The following RBFOX1 variants were observed in gnomAD, a reference collection of about 807,000 sequenced individuals.
The protein encoded by RBFOX1 is RNA binding protein fox-1 homolog 1.
In RBFOX1, 8 loss-of-function variants were observed where a neutral mutation model predicts 57.7. The observed-to-expected ratio is 0.14, with a 90% confidence interval of 0.08 to 0.25. The LOEUF is 0.25. RBFOX1 is among the 10% of genes least tolerant of loss of function. The probability of loss-of-function intolerance (pLI) is 1.00; values close to 1 mark genes in which losing one functional copy is unlikely to be tolerated. For synonymous variants in RBFOX1, 326 were observed against 222.4 expected (o/e 1.47, Z -4.15); for missense variants, 611 against 548.5 (o/e 1.11, Z -1.14).
chr16:5,279,494 A>C (rs2151143839), intron 1 of RBFOX1, among the ~76,000 whole-genome samples: 1 of 145,490 alleles, frequency 6.9e-6, no homozygotes, highest in Admixed American at 6.9e-5. Context: ...GTTTTTAAAA[A>C]AATTTTTTTT....
chr16:5,280,295 A>G (rs1046410180), intron 1 of RBFOX1, among the ~76,000 whole-genome samples: 1 of 152,202 alleles, frequency 6.6e-6, no homozygotes, highest in African/African-American at 2.4e-5. Context: ...CCACTTGATC[A>G]TGGTATATTA....
intron 1 of RBFOX1, among the ~76,000 whole-genome samples, chr16:6,112,663 C>G (rs989740526): frequency 6.6e-6 from 1 of 151,408 alleles, no homozygotes; most frequent in African/African-American, 2.5e-5. Flanking sequence ...TGCACTCCAG[C>G]CTGGGCAACA....
At chr16:5,254,191 G>T (rs1164786504) in intron 1 of RBFOX1, among the ~76,000 whole-genome samples, 3 of 152,218 alleles carry the variant, frequency 2.0e-5, no homozygotes, top group African/African-American at 7.2e-5. Flanking sequence ...GGAACATTAT[G>T]TAACTTGCTC....
At chr16:7,511,083 G>T (rs1176625414) in intron 4 of RBFOX1, among the ~76,000 whole-genome samples, 2 of 152,192 alleles carry the variant, frequency 1.3e-5, no homozygotes, top group African/African-American at 2.4e-5. Context: ...ACAGGAAAAT[G>T]CTTGCCTATT....
intron 3 of RBFOX1, among the ~76,000 whole-genome samples, chr16:5,705,466 T>C (rs1453562312): frequency 6.6e-6 from 1 of 152,174 alleles, no homozygotes; most frequent in African/African-American, 2.4e-5. Flanking sequence ...TCTCACTATA[T>C]TGCCCAGGCT....
At chr16:5,753,471 G>C (rs754368605) in intron 3 of RBFOX1, among the ~76,000 whole-genome samples, 1 of 152,280 alleles carries the variant, frequency 6.6e-6, no homozygotes, top group South Asian at 2.1e-4. Flanking sequence ...CCATATGGTA[G>C]ACAGAGGAAT....
intron 3 of RBFOX1, among the ~76,000 whole-genome samples, chr16:6,687,907 C>G (rs1250726399): frequency 6.6e-6 from 1 of 152,166 alleles, no homozygotes; most frequent in Non-Finnish European, 1.5e-5. Context: ...TGTTATTTCT[C>G]TCCACCGTAT....
At chr16:5,441,601 G>A (rs923733618) in intron 1 of RBFOX1, among the ~76,000 whole-genome samples, 1 of 152,148 alleles carries the variant, frequency 6.6e-6, no homozygotes, top group Non-Finnish European at 1.5e-5. Flanking sequence ...CTGGCCTTAA[G>A]TGATTCACCC....
At position 5,582,572 on chromosome 16, in the gene RBFOX1, T is replaced by TTTTTG. The variant is rs369563835; in HGVS notation, c.259-16330_259-16329insTTTTG. On this transcript the variant is annotated intron_variant, in intron 2 of 2. Coordinates refer to the RBFOX1 transcript ENST00000585867. ...CTTTTTTTTTTTTTTTTTTTTTTTT[T>TTTTTG]AAACGGAGTCTTTGTTGCCCAGGCT... Among the ~76,000 whole-genome samples, 8 of 106,058 alleles carry TTTTTG rather than the reference T, an allele frequency of 7.5e-5. 1 individual carries two copies. Among genetic ancestry groups the TTTTTG allele is most frequent in the Non-Finnish European group, 9.4e-5 (5 of 53,066 alleles). The allele number at this position is 106,058 out of a possible 152,430, so 69.6% of individuals were successfully genotyped here.
At chr16:5,416,527 TA>T (rs887867475) in intron 1 of RBFOX1, among the ~76,000 whole-genome samples, 56 of 152,336 alleles carry the variant, frequency 3.7e-4, no homozygotes, top group African/African-American at 1.3e-3. Context: ...TCCTTCATTT[TA>T]AAAATGTAAT....
chr16:5,657,732 C>CTTTTTTTTTTTTTTTTTT lies in RBFOX1; in HGVS notation c.318+58775_318+58776insTTTTTTTTTTTTTTTTTT, dbSNP rs71386513. Among the ~76,000 whole-genome samples, 2 of 98,352 alleles carry CTTTTTTTTTTTTTTTTTT rather than the reference C, an allele frequency of 2.0e-5. 1 individual carries two copies. The highest frequency in any genetic ancestry group is 3.8e-5 in the Non-Finnish European group (2 of 53,164). The allele number at this position is 98,352 out of a possible 152,430, so 64.5% of individuals were successfully genotyped here. On this transcript the variant is annotated intron_variant, in intron 3 of 19. Coordinates refer to the RBFOX1 transcript ENST00000641259. ...TTTCTCTCTTTCTTTTGTTTCTTTT[C>CTTTTTTTTTTTTTTTTTT]TTTTCTTTTTTTTTTTTTGAGACAG... is the stretch of plus-strand genomic sequence containing the variant.
intron 1 of RBFOX1, among the ~76,000 whole-genome samples, chr16:5,295,958 G>C (rs1403434544): frequency 1.3e-5 from 2 of 152,158 alleles, no homozygotes; most frequent in African/African-American, 4.8e-5. Flanking sequence ...CAGAGAGTAA[G>C]GACTTCATAA....
chr16:5,686,915 A>C (rs1046290761), intron 3 of RBFOX1, among the ~76,000 whole-genome samples: 16 of 152,166 alleles, frequency 1.1e-4, no homozygotes, highest in African/African-American at 3.6e-4. Context: ...GCCTGGATTT[A>C]CTTCAGTTTA....
chr16:6,141,756 A>G (rs2096717802), intron 1 of RBFOX1, among the ~76,000 whole-genome samples: 1 of 152,048 alleles, frequency 6.6e-6, no homozygotes, highest in Non-Finnish European at 1.5e-5. Context: ...TTGTATGCTG[A>G]TCTATTTGGA....
chr16:6,485,368 C>A lies in RBFOX1; in HGVS notation c.-64+168311C>A, dbSNP rs962599726. Among the ~76,000 whole-genome samples, 5 of 152,094 alleles carry A rather than the reference C, an allele frequency of 3.3e-5. No homozygotes were observed. The East Asian group carries it at 9.6e-4, about 29-fold the overall frequency. On this transcript the variant is annotated intron_variant, in intron 2 of 15. Transcript: ENST00000550418. ...CTCTTACCCCTCTTCTCTTCTCTCT[C>A]TTGGTCTCCCTCTGGGTATTTCTTC...
intron 14 of RBFOX1, among the ~76,000 whole-genome samples, chr16:7,685,705 G>A (rs2075922777): frequency 6.6e-6 from 1 of 152,092 alleles, no homozygotes; most frequent in Admixed American, 6.6e-5. Context: ...TAAATTAAAT[G>A]CATTTAAAAA....
At chr16:7,438,233 C>G (rs1323648743) in intron 4 of RBFOX1, among the ~76,000 whole-genome samples, 1 of 152,054 alleles carries the variant, frequency 6.6e-6, no homozygotes, top group East Asian at 1.9e-4. Flanking sequence ...TTCTTCATGT[C>G]CTCTCTCTAT....
rs527362008 is a variant in RBFOX1 at position 6,724,537 on chromosome 16, C to G, written c.-16+69887C>G. The stretch of plus-strand genomic sequence containing the variant: ...TCTTCTGTGGACGAGGAAGCAGGCC[C>G]TCACCAGACACCAAATCTACCAGGA... On this transcript the variant is annotated intron_variant, in intron 3 of 15. Transcript: ENST00000550418. Among the ~76,000 whole-genome samples, 5 of 152,140 alleles carry G rather than the reference C, an allele frequency of 3.3e-5. No individual in the cohort carries two copies. In the East Asian group the frequency reaches 9.7e-4, roughly 30 times the overall value.
chr16:5,702,278 C>T (rs533646177), intron 3 of RBFOX1, among the ~76,000 whole-genome samples: 11 of 152,280 alleles, frequency 7.2e-5, no homozygotes, highest in African/African-American at 2.6e-4. Context: ...TCTTCACATG[C>T]CGGCAGGAGA....
Sources: gnomAD v4.1 joint callset for allele counts (sites outside exome capture counted in the v4.1 genomes callset) on GRCh38, gnomAD v4.1.1 for gene constraint, MANE v1.5 for transcripts, NCBI Gene and HGNC (gene_info 2026-07-23, HGNC 2026-07-21) for gene names.